Variants in ADK observed in about 807,000 individuals in gnomAD.
ADK encodes adenosine kinase.
In ADK, 24 loss-of-function variants were observed where a neutral mutation model predicts 44.7. The ratio of observed to expected loss-of-function variants is 0.54; its 90% CI spans 0.39 to 0.76. The LOEUF is 0.76. ADK is among the 30% of genes least tolerant of loss of function. The probability of loss-of-function intolerance (pLI) is 0.00; values close to 1 mark genes in which losing one functional copy is unlikely to be tolerated. For missense variants in ADK, 321 were observed against 425.1 expected, an observed-to-expected ratio of 0.76 and a Z score of 2.15; for synonymous variants, 128 against 142.6, an observed-to-expected ratio of 0.90 and a Z score of 0.73.
chr10:74,262,085 G>A (rs904482789), intron 3 of ADK, among the ~76,000 whole-genome samples: 5 of 152,094 alleles, frequency 3.3e-5, no homozygotes, highest in Non-Finnish European at 5.9e-5. Context: ...TTGGGAGGCC[G>A]AGGTGTGTGG....
chr10:74,370,674 A>G (rs992616235), intron 4 of ADK, among the ~76,000 whole-genome samples: 1 of 152,022 alleles, frequency 6.6e-6, no homozygotes, highest in African/African-American at 2.4e-5. Flanking sequence ...ATGTGTGATT[A>G]TGATAGAGTA....
At chr10:74,638,828 A>G (rs991201118) in intron 9 of ADK, among the ~76,000 whole-genome samples, 2 of 152,016 alleles carry the variant, frequency 1.3e-5, no homozygotes, top group African/African-American at 4.8e-5. Flanking sequence ...TTTTTGAGAC[A>G]GGGTCTCTCT....
chr10:74,200,043 A>T (rs1334784802), intron 1 of ADK, among the ~76,000 whole-genome samples: 2 of 150,854 alleles, frequency 1.3e-5, no homozygotes, highest in Non-Finnish European at 2.9e-5. Flanking sequence ...TGGTAATTAT[A>T]TTTTAAGTTT....
chr10:74,572,366 G>C (rs1482685641), intron 7 of ADK, among the ~76,000 whole-genome samples: 3 of 152,214 alleles, frequency 2.0e-5, no homozygotes, highest in African/African-American at 7.2e-5. Context: ...TTTTTGCCGA[G>C]AGATCTGCTG....
At chr10:74,702,845 C>T (rs1036720753) in intron 10 of ADK, among the ~76,000 whole-genome samples, 3 of 152,128 alleles carry the variant, frequency 2.0e-5, no homozygotes, top group Non-Finnish European at 4.4e-5. Flanking sequence ...GATCTGCCTG[C>T]CTCGGACTCC....
chr10:74,543,341 C>G (rs941687171), intron 7 of ADK, among the ~76,000 whole-genome samples: 1 of 152,152 alleles, frequency 6.6e-6, no homozygotes, highest in Non-Finnish European at 1.5e-5. Flanking sequence ...AGACATCCAG[C>G]CACAATAATC....
At chr10:74,648,088 G>GTA (rs993066728) in intron 9 of ADK, among the ~76,000 whole-genome samples, 224 of 151,352 alleles carry the variant, frequency 1.5e-3, no homozygotes, top group East Asian at 2.3e-3. Flanking sequence ...GTATATATAT[G>GTA]TATATATATA....
At chr10:74,461,737 C>T (rs1386844324) in intron 6 of ADK, among the ~76,000 whole-genome samples, 1 of 152,010 alleles carries the variant, frequency 6.6e-6, no homozygotes, top group Non-Finnish European at 1.5e-5. Context: ...GTATGCATAT[C>T]TTCTGTAGTA....
chr10:74,681,383 T>C (rs7074939), intron 10 of ADK, among the ~76,000 whole-genome samples: 103,203 of 152,030 alleles, frequency 0.68, 35,374 homozygotes, highest in Middle Eastern at 0.79. Flanking sequence ...TGATGTCACG[T>C]AGGAAAACCA....
At chr10:74,260,578 C>G (rs1846005668) in intron 3 of ADK, among the ~76,000 whole-genome samples, 1 of 152,164 alleles carries the variant, frequency 6.6e-6, no homozygotes, top group South Asian at 2.1e-4. Context: ...AATGCTTTTG[C>G]TCTTCTGTGT....
chr10:74,265,817 G>A (rs1386550141), intron 3 of ADK, among the ~76,000 whole-genome samples: 1 of 152,146 alleles, frequency 6.6e-6, no homozygotes, highest in Non-Finnish European at 1.5e-5. Flanking sequence ...GGTCATATGG[G>A]TAGTAATCAG....
At chr10:74,679,534 A>G (rs763313892) in intron 10 of ADK, among the ~76,000 whole-genome samples, 1 of 151,980 alleles carries the variant, frequency 6.6e-6, no homozygotes, top group African/African-American at 2.4e-5. Flanking sequence ...GGATTCACTG[A>G]TCAACCATAT....
At chr10:74,699,013 ATT>A (rs529911090) in intron 10 of ADK, among the ~76,000 whole-genome samples, 6 of 140,026 alleles carry the variant, frequency 4.3e-5, no homozygotes, top group African/African-American at 7.9e-5. Flanking sequence ...CGCCCAGCTA[ATT>A]TTTTTTTTTT....
chr10:74,407,256 T>C (rs752108969), intron 6 of ADK, among the ~76,000 whole-genome samples: 15 of 152,160 alleles, frequency 9.9e-5, no homozygotes, highest in African/African-American at 1.9e-4. Flanking sequence ...ATGTCCAGCA[T>C]TGAATAATTT....
chr10:74,346,812 A>G (rs918592283), intron 4 of ADK, among the ~76,000 whole-genome samples: 5 of 152,094 alleles, frequency 3.3e-5, no homozygotes, highest in Non-Finnish European at 5.9e-5. Context: ...GGTGAAGAGA[A>G]AAACCATTTA....
intron 10 of ADK, among the ~76,000 whole-genome samples, chr10:74,694,323 G>A (rs917199128): frequency 6.6e-6 from 1 of 151,420 alleles, no homozygotes; most frequent in Admixed American, 6.6e-5. Context: ...GGCTGAGGTG[G>A]GAGGATCACT....
intron 6 of ADK, among the ~76,000 whole-genome samples, chr10:74,458,626 A>G (rs988304880): frequency 6.6e-6 from 1 of 152,128 alleles, no homozygotes; most frequent in East Asian, 1.9e-4. Flanking sequence ...TTATTGCCCT[A>G]TATTTCTAGT....
intron 1 of ADK, among the ~76,000 whole-genome samples, chr10:74,185,519 T>C (rs1842715388): frequency 8.5e-6 from 1 of 117,972 alleles, no homozygotes; most frequent in African/African-American, 3.0e-5. Flanking sequence ...GCCAACAATA[T>C]AATTTTTTTT....
At chr10:74,560,627 A>C (rs1401763516) in intron 7 of ADK, among the ~76,000 whole-genome samples, 2 of 152,236 alleles carry the variant, frequency 1.3e-5, no homozygotes, top group Non-Finnish European at 2.9e-5. Context: ...TTGTTAATTT[A>C]GTCTTTTATG....
Sources: allele counts gnomAD v4.1 joint callset (sites outside exome capture counted in the v4.1 genomes callset), GRCh38; gene constraint gnomAD v4.1.1; transcripts MANE v1.5; gene names NCBI Gene and HGNC (gene_info 2026-07-23, HGNC 2026-07-21).